SLC9A9: variants seen among roughly 807,000 people sequenced by gnomAD.
SLC9A9 encodes the protein sodium/hydrogen exchanger 9.
A neutral mutation model predicts 77.8 loss-of-function variants in SLC9A9; 62 were observed. That is an observed-to-expected ratio of 0.80 (90% CI 0.65 to 0.98). SLC9A9 has a LOEUF of 0.98. Among genes scored for constraint, SLC9A9 ranks in the 50% least tolerant of loss-of-function variants. SLC9A9 has a pLI of 0.00. For synonymous variants in SLC9A9, 320 were observed against 283.5 expected (o/e 1.13, Z -1.29); for missense variants, 775 against 774.9 (o/e 1.00, Z 0.00).
chr3:143,567,216 C>G (rs1023717442), intron 8 of SLC9A9, among the ~76,000 whole-genome samples: 1 of 152,042 alleles, frequency 6.6e-6, no homozygotes, highest in African/African-American at 2.4e-5. Flanking sequence ...CAATAAATTC[C>G]TTTGACTTTA....
intron 4 of SLC9A9, among the ~76,000 whole-genome samples, chr3:143,737,409 C>A (rs1296199983): frequency 6.6e-6 from 1 of 150,504 alleles, no homozygotes; most frequent in Non-Finnish European, 1.5e-5. Context: ...AAGATTGAAT[C>A]ATAGAAATAA....
At chr3:143,637,461 G>A (rs2038541867) in intron 6 of SLC9A9, among the ~76,000 whole-genome samples, 1 of 152,012 alleles carries the variant, frequency 6.6e-6, no homozygotes, top group African/African-American at 2.4e-5. Flanking sequence ...ACTGAACAAA[G>A]GCTTTGATAA....
At chr3:143,485,424 T>A (rs553889211) in intron 11 of SLC9A9, among the ~76,000 whole-genome samples, 1 of 152,124 alleles carries the variant, frequency 6.6e-6, no homozygotes, top group Non-Finnish European at 1.5e-5. Flanking sequence ...TGACATTAAA[T>A]ATTAGGTCAT....
intron 9 of SLC9A9, among the ~76,000 whole-genome samples, chr3:143,541,177 T>C (rs914507253): frequency 5.3e-5 from 8 of 152,192 alleles, no homozygotes; most frequent in Non-Finnish European, 1.0e-4. Context: ...GAAATGACAG[T>C]AAACAACTTT....
At position 143,689,048 on chromosome 3, in the gene SLC9A9, C is replaced by T. The variant is rs1014095311; in HGVS notation, c.649+4144G>A. On this transcript the variant is annotated intron_variant, in intron 5 of 15. Coordinates refer to ENST00000316549, the MANE Select transcript of SLC9A9 (RefSeq NM_173653.4). ...ATAATAAAAGAAGTACTAAGCCATG[C>T]TATAGGGATATATAAATCCTCACCT... Among the ~76,000 whole-genome samples, 4 of 152,054 alleles carry T rather than the reference C, an allele frequency of 2.6e-5. No individual in the cohort carries two copies. In the East Asian group the frequency reaches 7.7e-4, roughly 29 times the overall value.
intron 1 of SLC9A9, among the ~76,000 whole-genome samples, chr3:143,847,045 C>A (rs939330865): frequency 2.0e-5 from 3 of 152,148 alleles, no homozygotes; most frequent in African/African-American, 7.2e-5. Flanking sequence ...CAGTGGGATC[C>A]ACTTAAGGCT....
intron 14 of SLC9A9, among the ~76,000 whole-genome samples, chr3:143,356,037 T>C (rs940205563): frequency 1.3e-5 from 2 of 152,320 alleles, no homozygotes; most frequent in Admixed American, 1.3e-4. Flanking sequence ...CCAAAGCTTA[T>C]GTAGAATCCC....
chr3:143,306,424 G>T (rs2030787268), intron 14 of SLC9A9, among the ~76,000 whole-genome samples: 1 of 152,218 alleles, frequency 6.6e-6, no homozygotes, highest in African/African-American at 2.4e-5. Context: ...CTCTAGAACT[G>T]CTGGGAGAAT....
At chr3:143,807,290 G>A (rs1350507917) in intron 2 of SLC9A9, among the ~76,000 whole-genome samples, 1 of 152,146 alleles carries the variant, frequency 6.6e-6, no homozygotes, top group Admixed American at 6.5e-5. Flanking sequence ...AATATAGGAT[G>A]AGCAGATCAT....
chr3:143,383,908 G>A (rs922759111), intron 12 of SLC9A9, among the ~76,000 whole-genome samples: 8 of 152,162 alleles, frequency 5.3e-5, no homozygotes, highest in African/African-American at 1.4e-4. Context: ...GAACAGTAAC[G>A]GTAAAGTCCC....
intron 12 of SLC9A9, among the ~76,000 whole-genome samples, chr3:143,447,044 T>G (rs2034859459): frequency 6.6e-6 from 1 of 152,220 alleles, no homozygotes; most frequent in Non-Finnish European, 1.5e-5. Context: ...CCCTGTGACA[T>G]GCACCACATA....
chr3:143,702,750 C>T (rs193272970), intron 4 of SLC9A9, among the ~76,000 whole-genome samples: 1 of 151,012 alleles, frequency 6.6e-6, no homozygotes, highest in African/African-American at 2.4e-5. Flanking sequence ...CTAAAGTCTC[C>T]AAAAAAAGAC....
chr3:143,788,745 T>C (rs1361882629), intron 4 of SLC9A9, among the ~76,000 whole-genome samples: 1 of 144,800 alleles, frequency 6.9e-6, no homozygotes, highest in Non-Finnish European at 1.5e-5. Context: ...CATACATGCA[T>C]AAGCATGTAT....
intron 2 of SLC9A9, among the ~76,000 whole-genome samples, chr3:143,820,224 T>C (rs932169800): frequency 4.6e-5 from 7 of 152,174 alleles, no homozygotes; most frequent in South Asian, 2.1e-4. Context: ...GCTCTAGAGA[T>C]TGGCCTTTTA....
At chr3:143,267,902 C>T (rs1451855099) in intron 15 of SLC9A9, among the ~76,000 whole-genome samples, 1 of 152,230 alleles carries the variant, frequency 6.6e-6, no homozygotes, top group Non-Finnish European at 1.5e-5. Context: ...ATTTTTAGGG[C>T]AGTGGTTTCC....
chr3:143,752,817 C>T (rs1469182343), intron 4 of SLC9A9, among the ~76,000 whole-genome samples: 2 of 151,788 alleles, frequency 1.3e-5, no homozygotes, highest in African/African-American at 4.8e-5. Context: ...CTCCCATAAT[C>T]TGCTTCCAAT....
At chr3:143,306,898 C>T (rs904106077) in intron 14 of SLC9A9, among the ~76,000 whole-genome samples, 2 of 152,214 alleles carry the variant, frequency 1.3e-5, no homozygotes, top group Admixed American at 6.5e-5. Flanking sequence ...CTTTTCTCTT[C>T]TTTCTTTCCT....
intron 9 of SLC9A9, among the ~76,000 whole-genome samples, chr3:143,535,511 A>G (rs1404130399): frequency 2.6e-5 from 4 of 152,164 alleles, no homozygotes; most frequent in Non-Finnish European, 5.9e-5. Context: ...GCTTAATATT[A>G]AGCAGCAAAA....
At position 143,644,764 on chromosome 3, in the gene SLC9A9, C is replaced by CT. The variant is rs879419996; in HGVS notation, c.755+7490dup. ...AGTCCTTAAGCAAAAACAGCCATAACTTTTTTTTTTTTTAATTATGTATCA... is the reference window on the plus strand; with the variant it reads ...AGTCCTTAAGCAAAAACAGCCATAACTTTTTTTTTTTTTTAATTATGTATCA... On this transcript the variant is annotated intron_variant, in intron 6 of 15. Coordinates refer to ENST00000316549, the MANE Select transcript of SLC9A9 (RefSeq NM_173653.4). Among the ~76,000 whole-genome samples the CT allele has an allele frequency of 5.5e-3, 811 of 146,152 alleles. 7 individuals carry two copies. The highest frequency in any genetic ancestry group is 0.018 in the African/African-American group (719 of 40,086).
Sources: gnomAD v4.1 joint callset for allele counts (sites outside exome capture counted in the v4.1 genomes callset) on GRCh38, gnomAD v4.1.1 for gene constraint, MANE v1.5 for transcripts, NCBI Gene and HGNC (gene_info 2026-07-23, HGNC 2026-07-21) for gene names.